FARS2: variants seen among roughly 807,000 people sequenced by gnomAD.
FARS2 encodes phenylalanine--tRNA ligase, mitochondrial.
FARS2 carries 40 observed loss-of-function variants against 46.4 expected under a neutral mutation model. The observed-to-expected ratio is 0.86, with a 90% CI of 0.67 to 1.12. The LOEUF (loss-of-function observed/expected upper bound fraction) is 1.12, where lower values mean the gene tolerates loss of function less well. FARS2 is among the 50% of genes most tolerant of loss of function. The probability of loss-of-function intolerance (pLI) is 0.00; values close to 1 mark genes in which losing one functional copy is unlikely to be tolerated. For missense variants in FARS2, 513 were observed against 567.9 expected, an observed-to-expected ratio of 0.90 and a Z score of 0.98; for synonymous variants, 234 against 214.9, an observed-to-expected ratio of 1.09 and a Z score of -0.78.
chr6:5,365,071 CAA>C lies in FARS2; in HGVS notation c.-21-3469_-21-3468del, dbSNP rs1261963263. 2.9e-5 allele frequency among the ~76,000 whole-genome samples: 4 copies of C among 139,078 alleles called. No homozygotes were observed. The South Asian group carries it at 7.0e-4, about 24-fold the overall frequency. The allele number at this position is 139,078 out of a possible 152,430, so 91.2% of individuals were successfully genotyped here. On this transcript the variant is annotated intron_variant, in intron 1 of 6. Transcript: ENST00000274680. The stretch of plus-strand genomic sequence containing the variant: ...CTCAGAAACAAAAAAAAGCCAAAGC[CAA>C]AAAAAAAAACCCCAAACAGACTACT...
chr6:5,332,797 G>T (rs368898034), intron 1 of FARS2, among the ~76,000 whole-genome samples: 18 of 152,172 alleles, frequency 1.2e-4, no homozygotes, highest in East Asian at 7.7e-4. Context: ...ATATGTGCAG[G>T]ACACATAGGG....
intron 3 of FARS2, among the ~76,000 whole-genome samples, chr6:5,427,381 G>C (rs1322181083): frequency 6.6e-6 from 1 of 152,202 alleles, no homozygotes; most frequent in Non-Finnish European, 1.5e-5. Flanking sequence ...CAAAAGCACA[G>C]ATTTTGACTT....
At chr6:5,422,595 G>C (rs757264180) in intron 3 of FARS2, among the ~76,000 whole-genome samples, 3 of 152,156 alleles carry the variant, frequency 2.0e-5, no homozygotes, top group Non-Finnish European at 2.9e-5. Flanking sequence ...GATTAGATAC[G>C]TGAGCTGTTG....
chr6:5,327,949 G>T (rs1199805307), intron 1 of FARS2, among the ~76,000 whole-genome samples: 3 of 152,170 alleles, frequency 2.0e-5, no homozygotes, highest in Non-Finnish European at 4.4e-5. Flanking sequence ...GAAATGACAT[G>T]CTGACTACTG....
intron 5 of FARS2, among the ~76,000 whole-genome samples, chr6:5,555,070 T>A (rs1301227717): frequency 6.6e-6 from 1 of 152,130 alleles, no homozygotes; most frequent in Non-Finnish European, 1.5e-5. Flanking sequence ...AGATGGCAGA[T>A]AATTTGAATC....
chr6:5,488,608 T>C (rs538774459), intron 4 of FARS2, among the ~76,000 whole-genome samples: 2 of 138,056 alleles, frequency 1.4e-5, no homozygotes, highest in Non-Finnish European at 3.2e-5. Flanking sequence ...TGTAGATCTC[T>C]TTTGTGAAAG....
intron 4 of FARS2, among the ~76,000 whole-genome samples, chr6:5,502,586 T>G (rs1767865761): frequency 6.6e-6 from 1 of 152,244 alleles, no homozygotes; most frequent in African/African-American, 2.4e-5. Flanking sequence ...GAAAGAAATC[T>G]ATTGAAGAAG....
chr6:5,733,626 G>A (rs1432327176), intron 6 of FARS2, among the ~76,000 whole-genome samples: 1 of 152,148 alleles, frequency 6.6e-6, no homozygotes, highest in Non-Finnish European at 1.5e-5. Context: ...AACTGCCTTT[G>A]CTCAAGAACA....
intron 1 of FARS2, among the ~76,000 whole-genome samples, chr6:5,325,037 A>G (rs1770265525): frequency 6.6e-6 from 1 of 152,234 alleles, no homozygotes; most frequent in African/African-American, 2.4e-5. Context: ...TTCACCATTT[A>G]TCAAAAAAGG....
chr6:5,434,761 TC>T (rs932037759), intron 4 of FARS2, among the ~76,000 whole-genome samples: 1 of 149,104 alleles, frequency 6.7e-6, no homozygotes, highest in African/African-American at 2.6e-5. Flanking sequence ...CTCCCTTCCT[TC>T]TTCCTCCCTG....
At chr6:5,665,904 C>A (rs75781982) in intron 6 of FARS2, among the ~76,000 whole-genome samples, 1 of 152,106 alleles carries the variant, frequency 6.6e-6, no homozygotes, top group Admixed American at 6.6e-5. Context: ...ACAATTCCAC[C>A]CTTCCTTGAG....
At chr6:5,379,645 G>T (rs988477011) in intron 2 of FARS2, among the ~76,000 whole-genome samples, 1 of 152,124 alleles carries the variant, frequency 6.6e-6, no homozygotes. Flanking sequence ...ACCGAAATCT[G>T]CTTTCTTGGG....
chr6:5,714,841 A>G (rs937065368), intron 6 of FARS2, among the ~76,000 whole-genome samples: 1 of 152,130 alleles, frequency 6.6e-6, no homozygotes, highest in Non-Finnish European at 1.5e-5. Flanking sequence ...TCTGGCTAAC[A>G]TGGTAAAACC....
chr6:5,644,207 T>A (rs186614677), intron 6 of FARS2, among the ~76,000 whole-genome samples: 1 of 152,160 alleles, frequency 6.6e-6, no homozygotes, highest in East Asian at 1.9e-4. Flanking sequence ...TTGTTGTTTC[T>A]TTTTTCTTTT....
chr6:5,308,994 C>T (rs1457002142), intron 1 of FARS2, among the ~76,000 whole-genome samples: 1 of 152,054 alleles, frequency 6.6e-6, no homozygotes, highest in Admixed American at 6.5e-5. Flanking sequence ...AAGGGCTTTG[C>T]CCCCGTGATC....
intron 3 of FARS2, among the ~76,000 whole-genome samples, chr6:5,428,879 G>A (rs1359559464): frequency 6.6e-6 from 1 of 152,180 alleles, no homozygotes; most frequent in Non-Finnish European, 1.5e-5. Flanking sequence ...TAGAAAAAGT[G>A]TTGATGCGAT....
At chr6:5,397,137 A>G (rs1225405804) in intron 2 of FARS2, among the ~76,000 whole-genome samples, 1 of 152,244 alleles carries the variant, frequency 6.6e-6, no homozygotes, top group Non-Finnish European at 1.5e-5. Context: ...TGAGTTATTA[A>G]TCAATGAGAA....
At chr6:5,460,252 G>A (rs552903520) in intron 4 of FARS2, among the ~76,000 whole-genome samples, 63 of 152,052 alleles carry the variant, frequency 4.1e-4, no homozygotes, top group African/African-American at 1.3e-3. Flanking sequence ...CACATACATC[G>A]CTCTTTTTGT....
intron 6 of FARS2, among the ~76,000 whole-genome samples, chr6:5,746,271 G>A (rs762470474): frequency 6.6e-6 from 1 of 152,124 alleles, no homozygotes; most frequent in Non-Finnish European, 1.5e-5. Context: ...CGATGGCCAC[G>A]TGGTCCTTAG....
Sources: allele counts gnomAD v4.1 joint callset (sites outside exome capture counted in the v4.1 genomes callset), GRCh38; gene constraint gnomAD v4.1.1; transcripts MANE v1.5; gene names NCBI Gene and HGNC (gene_info 2026-07-23, HGNC 2026-07-21).